CADM2: variants seen among roughly 807,000 people sequenced by gnomAD.
The protein encoded by CADM2 is immunoglobulin superfamily member 4D.
CADM2 carries 12 observed loss-of-function variants against 49.8 expected under a neutral mutation model. The ratio of observed to expected loss-of-function variants is 0.24; its 90% CI spans 0.15 to 0.39. The LOEUF (loss-of-function observed/expected upper bound fraction) is 0.39. Ranked by LOEUF, CADM2 falls within the 10% of genes least tolerant of loss-of-function variation. CADM2 has a pLI of 1.00. For missense variants in CADM2, 378 were observed against 492.3 expected (o/e 0.77, Z 2.20); for synonymous variants, 214 against 175.4 (o/e 1.22, Z -1.74).
intron 8 of CADM2, among the ~76,000 whole-genome samples, chr3:86,059,883 T>C (rs915345256): frequency 1.3e-5 from 2 of 151,784 alleles, no homozygotes; most frequent in Admixed American, 1.3e-4. Context: ...TATGGGGATT[T>C]AAAAAAAAGC....
intron 7 of CADM2, among the ~76,000 whole-genome samples, chr3:85,947,887 G>A (rs1410889264): frequency 6.6e-6 from 1 of 151,384 alleles, no homozygotes; most frequent in East Asian, 2.0e-4. Context: ...TAGAGGAAAT[G>A]TACTTTTTGA....
At chr3:85,705,946 A>G (rs1001638593) in intron 1 of CADM2, among the ~76,000 whole-genome samples, 1 of 152,212 alleles carries the variant, frequency 6.6e-6, no homozygotes, top group Non-Finnish European at 1.5e-5. Context: ...CATCAAACCT[A>G]GAAAATGTGT....
intron 1 of CADM2, among the ~76,000 whole-genome samples, chr3:85,187,026 C>T (rs2041081665): frequency 1.3e-5 from 2 of 152,116 alleles, no homozygotes; most frequent in Admixed American, 6.6e-5. Flanking sequence ...AATTATACCT[C>T]AGGCACTGGA....
chr3:86,045,024 A>G (rs1168666996), intron 8 of CADM2, among the ~76,000 whole-genome samples: 1 of 145,878 alleles, frequency 6.9e-6, no homozygotes, highest in African/African-American at 2.5e-5. Context: ...ACACATGGAC[A>G]CAGGAAGGGG....
At chr3:85,957,718 A>C (rs1724229502) in intron 7 of CADM2, among the ~76,000 whole-genome samples, 1 of 151,848 alleles carries the variant, frequency 6.6e-6, no homozygotes, top group Admixed American at 6.6e-5. Context: ...AACTGCCTAC[A>C]AACCATGATT....
chr3:85,809,411 T>C (rs1473537882), intron 3 of CADM2, among the ~76,000 whole-genome samples: 2 of 151,840 alleles, frequency 1.3e-5, no homozygotes, highest in Non-Finnish European at 2.9e-5. Flanking sequence ...GCCAACATGG[T>C]GAAACCCCAT....
intron 1 of CADM2, among the ~76,000 whole-genome samples, chr3:85,266,649 A>G (rs986819745): frequency 4.0e-5 from 6 of 151,850 alleles, no homozygotes; most frequent in Admixed American, 6.6e-5. Context: ...CTTGCAATAC[A>G]TAGATATCAT....
chr3:85,517,760 G>T (rs1186189402), intron 1 of CADM2, among the ~76,000 whole-genome samples: 1 of 152,112 alleles, frequency 6.6e-6, no homozygotes, highest in African/African-American at 2.4e-5. Context: ...AGCTTATTTA[G>T]TACTTATACC....
At chr3:85,378,280 C>T (rs1431384813) in intron 1 of CADM2, among the ~76,000 whole-genome samples, 1 of 151,920 alleles carries the variant, frequency 6.6e-6, no homozygotes, top group Non-Finnish European at 1.5e-5. Context: ...TTAAGCCACT[C>T]GTATATTTAT....
intron 1 of CADM2, among the ~76,000 whole-genome samples, chr3:85,027,294 T>C (rs77114692): frequency 0.021 from 3,136 of 151,786 alleles, 60 homozygotes; most frequent in East Asian, 0.08. Flanking sequence ...TTTTGTATTT[T>C]TCGTAGAGAT....
At chr3:85,927,111 C>T (rs964264884) in intron 6 of CADM2, among the ~76,000 whole-genome samples, 4 of 152,154 alleles carry the variant, frequency 2.6e-5, no homozygotes, top group African/African-American at 9.7e-5. Flanking sequence ...AGAGCAATTA[C>T]ATCAATGCGT....
intron 1 of CADM2, among the ~76,000 whole-genome samples, chr3:85,263,685 A>AT (rs200415855): frequency 1.3e-5 from 2 of 151,810 alleles, no homozygotes; most frequent in African/African-American, 2.4e-5. Flanking sequence ...ATCTATTCCA[A>AT]TTTTTTTTCT....
rs369814776 is a variant in CADM2, at chr3:85,372,906, C to A, written c.62-353616C>A. 1.1e-3 allele frequency among the ~76,000 whole-genome samples: 174 copies of A among 152,164 alleles called. 2 individuals carry two copies. The South Asian group carries it at 0.019, about 17-fold the overall frequency. On this transcript the variant is annotated intron_variant, in intron 1 of 9. Coordinates refer to ENST00000383699, the MANE Select transcript of CADM2 (RefSeq NM_001167675.2). ...TGAGAACAGCATGGGAGAAACCTAC[C>A]CCCATGATTCTATTACCTCACACCA...
chr3:85,826,646 A>T (rs980320163), intron 3 of CADM2, among the ~76,000 whole-genome samples: 1 of 151,946 alleles, frequency 6.6e-6, no homozygotes, highest in African/African-American at 2.4e-5. Flanking sequence ...GGAGAAGAAT[A>T]AACATTTTTC....
intron 1 of CADM2, among the ~76,000 whole-genome samples, chr3:85,105,685 G>A (rs530374761): frequency 3.3e-5 from 5 of 152,228 alleles, no homozygotes; most frequent in Admixed American, 2.6e-4. Flanking sequence ...CAAAGACTTG[G>A]AACCAACCCA....
chr3:85,993,278 C>T (rs1729005504), intron 8 of CADM2: 2 of 152,118 alleles, frequency 1.3e-5, no homozygotes, highest in Admixed American at 6.5e-5. Flanking sequence ...TTATTTGCTC[C>T]ACCATAAGAA....
intron 1 of CADM2, among the ~76,000 whole-genome samples, chr3:85,558,384 C>G (rs765653569): frequency 2.0e-5 from 3 of 151,888 alleles, no homozygotes; most frequent in Non-Finnish European, 2.9e-5. Flanking sequence ...TAGTAATTAT[C>G]GTGTTGATTC....
At chr3:85,523,480 C>G (rs565843500) in intron 1 of CADM2, among the ~76,000 whole-genome samples, 4 of 151,972 alleles carry the variant, frequency 2.6e-5, no homozygotes, top group Non-Finnish European at 4.4e-5. Context: ...GTTAAACAAT[C>G]AAAGTGATAA....
intron 1 of CADM2, among the ~76,000 whole-genome samples, chr3:85,163,636 A>G (rs1034927417): frequency 2.0e-5 from 3 of 152,110 alleles, no homozygotes; most frequent in Admixed American, 2.0e-4. Flanking sequence ...AAATTAGAAC[A>G]GCTTGTGTTA....
Sources: gnomAD v4.1 joint callset for allele counts (sites outside exome capture counted in the v4.1 genomes callset) on GRCh38, gnomAD v4.1.1 for gene constraint, MANE v1.5 for transcripts, NCBI Gene and HGNC (gene_info 2026-07-23, HGNC 2026-07-21) for gene names.